WIZ: variants seen among roughly 807,000 people sequenced by gnomAD.
The protein encoded by WIZ is WIZ zinc finger.
Under a neutral mutation model 140.2 loss-of-function variants are expected in WIZ, and 25 were observed. The ratio of observed to expected loss-of-function variants is 0.18; its 90% CI spans 0.13 to 0.25. The LOEUF (loss-of-function observed/expected upper bound fraction) is 0.25. WIZ is among the 10% of genes least tolerant of loss of function. The pLI is 1.00. For missense variants in WIZ, 2,231 were observed against 2,632.6 expected (o/e 0.85, Z 3.34); for synonymous variants, 1,125 against 1,154.3 (o/e 0.97, Z 0.51).
At position 15,424,046 on chromosome 19, in the gene WIZ, G is replaced by C; in HGVS notation, c.5510+137C>G. 9.0e-6 allele frequency: 7 copies of C among 781,292 alleles called. No homozygotes were observed. In the South Asian group the frequency reaches 1.6e-4, roughly 18 times the overall value. The allele number at this position is 781,292 out of a possible 1,614,324, so 48.4% of individuals were successfully genotyped here. A position where few individuals can be genotyped will look rare whatever the true frequency, so the allele number is the denominator to read the frequency against. On this transcript the variant is annotated intron_variant, in intron 12 of 12. Coordinates refer to ENST00000673675, the MANE Select transcript of WIZ (RefSeq NM_001371589.1). The surrounding 1 kb of genome is among the most constrained non-coding windows in gnomAD (Gnocchi z 9.7). ...ACAAAGCTCAGGGTGTCAGCCTTTA[G>C]CCTGAGCCCCACCACACCCAAGGGC...
At position 15,424,762 on chromosome 19, in the gene WIZ, G is replaced by A. The variant is rs1968618035; in HGVS notation, c.5165C>T (p.Ala1722Val). 3 of 1,576,046 alleles carry A rather than the reference G, an allele frequency of 1.9e-6. No homozygotes were observed. Among genetic ancestry groups the A allele is most frequent in the African/African-American group, 1.3e-5 (1 of 74,106 alleles). The change falls in exon 11 of 13, where the codon GCA becomes GTA. Residue 1722 changes from alanine (A) to valine (V), a missense_variant. Around this residue, in one of 15 missense-constraint regions of WIZ, gnomAD observed 299 missense variants for 309.6 expected, o/e 0.97. Transcript: ENST00000673675. The surrounding 1 kb of genome is among the most constrained non-coding windows in gnomAD (Gnocchi z 9.7). ...DSDKRPSLGL[A>V]PGGLAVVGRS... is the part of the protein sequence containing the mutation. ...GCCGACCACGGCCAGGCCCCCGGGTGCCAGCCCCAGGGACGGCCGCTTGTC... is the reference window on the plus strand; with the variant it reads ...GCCGACCACGGCCAGGCCCCCGGGTACCAGCCCCAGGGACGGCCGCTTGTC...
rs1387920344 is a variant in WIZ, at chr19:15,442,650, G to A, written c.278+26C>T. On this transcript the variant is annotated intron_variant, in intron 3 of 12. Coordinates refer to ENST00000673675, the MANE Select transcript of WIZ (RefSeq NM_001371589.1). This position sits in a 1 kb window ranked among gnomAD's most constrained non-coding sequence, Gnocchi z 5.5. Reference sequence around the variant, plus strand: ...TCCTGCTTGCCCCCCTGCCCTCCCTGAGGTCAGGGCCAGCATGGCACTCAC... The same window carrying A: ...TCCTGCTTGCCCCCCTGCCCTCCCTAAGGTCAGGGCCAGCATGGCACTCAC... 8.1e-7 allele frequency: 1 copy of A among 1,231,350 alleles called. No homozygotes were observed. Among genetic ancestry groups the A allele is most frequent in the Non-Finnish European group, 1.0e-6 (1 of 987,302 alleles). The allele number at this position is 1,231,350 out of a possible 1,614,324, so 76.3% of individuals were successfully genotyped here.
In WIZ at chr19:15,420,218, G is replaced by A. The variant is rs1048720686; in HGVS notation, c.*2858C>T. ...ATTGGTCATGGGTTGGTGATGGATA[G>A]ATGAGAGTCCATTTTACTGTTTGCT... On this transcript the variant is annotated 3_prime_UTR_variant, in exon 13 of 13. Transcript: ENST00000673675. 1 of 152,216 alleles carries A rather than the reference G, an allele frequency of 6.6e-6. No individual in the cohort carries two copies. Among genetic ancestry groups the A allele is most frequent in the Non-Finnish European group, 1.5e-5 (1 of 68,054 alleles). The allele number at this position is 152,216 out of a possible 1,614,324, so 9.4% of individuals were successfully genotyped here.
Position 15,423,246 on chromosome 19 carries a change from G to C in WIZ, c.5511-11C>G, listed in dbSNP as rs768292161. On this transcript the variant is annotated splice_polypyrimidine_tract_variant and intron_variant, in intron 12 of 12. Transcript: ENST00000673675. Reference sequence around the variant, plus strand: ...TCCACCTCACAGAACCTGCATGGGGGAACAGAGAGAGGGAGTGGCCAGTGC... The same window carrying C: ...TCCACCTCACAGAACCTGCATGGGGCAACAGAGAGAGGGAGTGGCCAGTGC... 6.8e-6 allele frequency: 11 copies of C among 1,612,860 alleles called. No individual in the cohort carries two copies. In the African/African-American group the frequency reaches 1.2e-4, roughly 18 times the overall value.
Position 15,428,320 on chromosome 19 carries a change from G to A in WIZ, c.3604C>T (p.Leu1202Phe), listed in dbSNP as rs898204607. ...LIRRDGVQIR[L>F]PPRRGALAHP... ...GCCAGGGCGCCGCGCCTGGGTGGGA[G>A]GCGGATCTGGACGCCGTCCCTCCTG... Residue 1202 changes from leucine (L) to phenylalanine (F), a missense_variant, in exon 8 of 13, where the codon CTC becomes TTC. Physicochemically the swap from Leu to Phe is conservative, Grantham distance 22. This residue lies in a region of WIZ where 141 missense variants were observed against 161.2 expected (regional missense o/e 0.87). Coordinates refer to ENST00000673675, the MANE Select transcript of WIZ (RefSeq NM_001371589.1). The surrounding 1 kb of genome is among the most constrained non-coding windows in gnomAD (Gnocchi z 6.4). 2 of 1,534,020 alleles carry A rather than the reference G, an allele frequency of 1.3e-6. No individual in the cohort carries two copies. The highest frequency in any genetic ancestry group is 2.7e-5 in the African/African-American group (2 of 72,962).
At chr19:15,444,055 G>A (rs540669895) in intron 2 of WIZ, among the ~76,000 whole-genome samples, 6 of 152,190 alleles carry the variant, frequency 3.9e-5, no homozygotes, top group Non-Finnish European at 5.9e-5. Context: ...CCAATTGCCC[G>A]GGCCAAGGTT....
rs1247778225 is a variant in WIZ, at chr19:15,423,225, C to T, written c.5521G>A (p.Val1841Met). Residue 1841 changes from valine to methionine, a missense_variant, in exon 13 of 13, where the codon GTG (valine) becomes ATG (methionine). Val to Met is a conservative substitution (Grantham distance 21). Coordinates refer to ENST00000673675, the MANE Select transcript of WIZ (RefSeq NM_001371589.1). ...ATGGAGAGGGGGCCCTGGAATTCCACCTCACAGAACCTGCATGGGGGAACA... is the reference window on the plus strand; with the variant it reads ...ATGGAGAGGGGGCCCTGGAATTCCATCTCACAGAACCTGCATGGGGGAACA... ...IYTLKCRFCE[V>M]EFQGPLSIQE... The T allele has an allele frequency of 3.1e-6, 5 of 1,613,558 alleles. No individual in the cohort carries two copies. Among genetic ancestry groups the T allele is most frequent in the Non-Finnish European group, 4.2e-6 (5 of 1,179,890 alleles).
At chr19:15,441,541 T>C (rs1020307493) in intron 3 of WIZ, among the ~76,000 whole-genome samples, 1 of 152,218 alleles carries the variant, frequency 6.6e-6, no homozygotes, top group Non-Finnish European at 1.5e-5. Flanking sequence ...CACAACTCAG[T>C]GCTTGAGAAA....
chr19:15,440,811 C>G lies in WIZ; in HGVS notation c.279-96G>C. 1 of 1,270,950 alleles carries G rather than the reference C, an allele frequency of 7.9e-7. No individual in the cohort carries two copies. The highest frequency in any genetic ancestry group is 1.1e-6 in the Non-Finnish European group (1 of 951,152). 78.7% of individuals were successfully genotyped at this position (1,270,950 alleles called of 1,614,324 possible). A position where few individuals can be genotyped will look rare whatever the true frequency, so the allele number is the denominator to read the frequency against. ...GTCCTCCCAGGCCGTTTGAAGCAGGCCCCGGAGATCCAGCCCGAGGGTGAC... is the reference window on the plus strand; with the variant it reads ...GTCCTCCCAGGCCGTTTGAAGCAGGGCCCGGAGATCCAGCCCGAGGGTGAC... On this transcript the variant is annotated intron_variant, in intron 3 of 12. Coordinates refer to ENST00000673675, the MANE Select transcript of WIZ (RefSeq NM_001371589.1). This position sits in a 1 kb window ranked among gnomAD's most constrained non-coding sequence, Gnocchi z 6.2.
In WIZ at chr19:15,439,104, G is replaced by C. The variant is rs1312773046; in HGVS notation, c.1890C>G (p.Ser630=). 1 of 1,491,460 alleles carries C rather than the reference G, an allele frequency of 6.7e-7. No homozygotes were observed. The highest frequency in any genetic ancestry group is 8.9e-7 in the Non-Finnish European group (1 of 1,122,802). The allele number at this position is 1,491,460 out of a possible 1,614,324, so 92.4% of individuals were successfully genotyped here. The change falls in exon 4 of 13, where the codon TCC becomes TCG. Residue 630 remains serine, a synonymous_variant. Coordinates refer to ENST00000673675, the MANE Select transcript of WIZ (RefSeq NM_001371589.1). The surrounding 1 kb of genome is among the most constrained non-coding windows in gnomAD (Gnocchi z 7.0). ...CATTTTCAGGGGAAAAATCCATCTC[G>C]GAGGTCAGCACTACATCCTCCTCCT... ...EEEEEDVVLT[S]EMDFSPENGV... is the part of the protein sequence containing the mutation.
At position 15,425,449 on chromosome 19, in the gene WIZ, A is replaced by G. The variant is rs1432503957; in HGVS notation, c.4686T>C (p.Gly1562=). 1 of 1,581,662 alleles carries G rather than the reference A, an allele frequency of 6.3e-7. No homozygotes were observed. The highest frequency in any genetic ancestry group is 1.1e-5 in the South Asian group (1 of 88,102). The change falls in exon 10 of 13, where the codon GGT becomes GGC. Residue 1562 remains glycine, a synonymous_variant. Coordinates refer to ENST00000673675, the MANE Select transcript of WIZ (RefSeq NM_001371589.1). ...SPLAGRPGKP[G]AGPAQVPREL... ...CACGAGGAACCTGGGCCGGCCCTGC[A>G]CCTGGTTTGCCTGGCCGGCCAGCCA...
intron 5 of WIZ, 127 bp downstream of exon 5, chr19:15,436,679 A>G: frequency 1.0e-6 from 1 of 997,418 alleles, no homozygotes; most frequent in Non-Finnish European, 1.4e-6. Context: ...AGTCATCAAC[A>G]TACTTTGTAA....
Position 15,439,920 on chromosome 19 carries a change from G to A in WIZ, c.1074C>T (p.Gly358=). 6.5e-7 allele frequency: 1 copy of A among 1,531,384 alleles called. No individual in the cohort carries two copies. Among genetic ancestry groups the A allele is most frequent in the Non-Finnish European group, 8.7e-7 (1 of 1,144,278 alleles). 94.9% of individuals were successfully genotyped at this position (1,531,384 alleles called of 1,614,324 possible). The change falls in exon 4 of 13, where the codon GGC becomes GGT. Residue 358 remains glycine (G), a synonymous_variant. Transcript: ENST00000673675. The surrounding 1 kb of genome is among the most constrained non-coding windows in gnomAD (Gnocchi z 7.0). ...DLAPLACGEC[G]WAFADPTALE... ...GGGCAGTGGGGTCAGCAAAGGCCCA[G>A]CCACACTCCCCGCAGGCCAGCGGGG...
chr19:15,438,468 G>A, intron 4 of WIZ, 110 bp downstream of exon 4: 1 of 1,266,580 alleles, frequency 7.9e-7, no homozygotes, highest in Non-Finnish European at 1.0e-6. Flanking sequence ...AGTCTCTCAG[G>A]AGCAGAGGCC....
chr19:15,431,008 T>C lies in WIZ; in HGVS notation c.2911+4A>G. 1 of 1,524,438 alleles carries C rather than the reference T, an allele frequency of 6.6e-7. No homozygotes were observed. Among genetic ancestry groups the C allele is most frequent in the Non-Finnish European group, 8.8e-7 (1 of 1,139,756 alleles). 94.4% of individuals were successfully genotyped at this position (1,524,438 alleles called of 1,614,324 possible). A position where few individuals can be genotyped will look rare whatever the true frequency, so the allele number is the denominator to read the frequency against. On this transcript the variant is annotated splice_donor_region_variant and intron_variant, in intron 6 of 12. Transcript: ENST00000673675. ...TCCCCTGCCATGCCACCTGGGCCAC[T>C]CACCCTTGAGGTCCTGCAGCTCCTG...
At chr19:15,435,071 TAGCC>T (rs907569439) in intron 5 of WIZ, among the ~76,000 whole-genome samples, 11 of 151,848 alleles carry the variant, frequency 7.2e-5, no homozygotes, top group African/African-American at 2.7e-4. Flanking sequence ...TACTAAAAAT[TAGCC>T]AGGTGTGGTG....
chr19:15,440,491 C>G lies in WIZ; in HGVS notation c.503G>C (p.Arg168Pro), dbSNP rs547755323. 31 of 1,535,988 alleles carry G rather than the reference C, an allele frequency of 2.0e-5. No individual in the cohort carries two copies. The highest frequency in any genetic ancestry group is 1.7e-4 in the Middle Eastern group (1 of 6,012). Residue 168 changes from arginine to proline, a missense_variant, in exon 4 of 13, where the codon CGG becomes CCG. Around this residue, in one of 15 missense-constraint regions of WIZ, gnomAD observed 307 missense variants for 294.1 expected, o/e 1.04. Transcript: ENST00000673675. The surrounding 1 kb of genome is among the most constrained non-coding windows in gnomAD (Gnocchi z 6.2). ...LEGSRRFLHH[R>P]GEPRLLEKHA... is the part of the protein sequence containing the mutation. ...TTTCTCCAAAAGCCTTGGTTCCCCC[C>G]GGTGGTGTAAGAACCTTCTAGAGCC...
chr19:15,434,349 C>A (rs1969436066), intron 5 of WIZ, among the ~76,000 whole-genome samples: 1 of 151,190 alleles, frequency 6.6e-6, no homozygotes, highest in African/African-American at 2.4e-5. Context: ...ATCACAAGGT[C>A]AGGAGATCGA....
chr19:15,422,859 AGACACCCT>A lies in WIZ; in HGVS notation c.*209_*216del. ...GACCAGGTGGGCATGGGCTGAAGGA[AGACACCCT>A]GTGGCCCCAGAGTCCTCGGGCTGGG... On this transcript the variant is annotated 3_prime_UTR_variant, in exon 13 of 13. Coordinates refer to ENST00000673675, the MANE Select transcript of WIZ (RefSeq NM_001371589.1). 1 of 639,782 alleles carries A rather than the reference AGACACCCT, an allele frequency of 1.6e-6. No individual in the cohort carries two copies. Among genetic ancestry groups the A allele is most frequent in the Non-Finnish European group, 2.6e-6 (1 of 383,280 alleles). The allele number at this position is 639,782 out of a possible 1,614,324, so 39.6% of individuals were successfully genotyped here.
Sources: allele counts gnomAD v4.1 joint callset (sites outside exome capture counted in the v4.1 genomes callset), GRCh38; gene constraint gnomAD v4.1.1; regional missense constraint gnomAD v4.1.1; non-coding constraint Gnocchi (gnomAD v3.1); transcripts MANE v1.5; gene names NCBI Gene and HGNC (gene_info 2026-07-23, HGNC 2026-07-21).